MIA2: variants seen among roughly 807,000 people sequenced by gnomAD.
MIA2 encodes the protein melanoma inhibitory activity protein 2.
In MIA2, 127 loss-of-function variants were observed where a neutral mutation model predicts 167.8. The ratio of observed to expected loss-of-function variants is 0.76; its 90% CI spans 0.66 to 0.88. MIA2 has a LOEUF of 0.88. Among genes scored for constraint, MIA2 ranks in the 40% least tolerant of loss-of-function variants. The pLI, the probability that MIA2 is intolerant of heterozygous loss-of-function variation, is 0.00. For synonymous variants in MIA2, 552 were observed against 541.9 expected, an observed-to-expected ratio of 1.02 and a Z score of -0.26; for missense variants, 1,690 against 1,624.7, an observed-to-expected ratio of 1.04 and a Z score of -0.69.
At chr14:39,315,126 A>C (rs1365403395) in intron 20 of MIA2, 1 of 42,062 alleles carries the variant, frequency 2.4e-5, no homozygotes, top group African/African-American at 5.2e-5. Context: ...CTACTAAAAA[A>C]AAAAAAAAAA....
At chr14:39,329,422 C>T (rs2068296412) in intron 25 of MIA2, among the ~76,000 whole-genome samples, 1 of 152,142 alleles carries the variant, frequency 6.6e-6, no homozygotes, top group Non-Finnish European at 1.5e-5. Context: ...AACTTGACTT[C>T]CTCTCTTCCT....
rs114167739 is a variant in MIA2 at position 39,296,307 on chromosome 14, A to G, written c.2496+1278A>G. On this transcript the variant is annotated intron_variant, in intron 13 of 28. Transcript: ENST00000640607. ...ATACTTGTTGATATTTTGGTTGAAT[A>G]TATTCTGGGTTGGCATTTTTTTTTT... Among the ~76,000 whole-genome samples the G allele has an allele frequency of 9.1e-3, 1,376 of 151,970 alleles. 23 individuals carry two copies. Among genetic ancestry groups the G allele is most frequent in the African/African-American group, 0.032 (1,311 of 41,448 alleles).
intron 27 of MIA2, 111 bp downstream of exon 27, chr14:39,347,882 C>T (rs986764216): frequency 4.8e-5 from 49 of 1,011,928 alleles, no homozygotes; most frequent in East Asian, 1.8e-4. Context: ...AGTGCAGTGG[C>T]GCTATCTCGG....
intron 23 of MIA2, chr14:39,385,977 AT>A: frequency 1.2e-6 from 1 of 840,762 alleles, no homozygotes; most frequent in Non-Finnish European, 2.0e-6. Context: ...GTCCGCCACC[AT>A]TTGAGCAAGA....
Position 39,236,926 on chromosome 14 carries a change from A to G in MIA2, c.120A>G (p.Leu40=), listed in dbSNP as rs1225332469. The change falls in exon 2 of 29, where the codon TTA becomes TTG. Residue 40 remains leucine (L), a synonymous_variant. Coordinates refer to ENST00000640607, the MANE Select transcript of MIA2 (RefSeq NM_001329214.4). ...KKCGDLECEA[L]INRVSAMRDY... is the part of the protein sequence containing the mutation. ...TTCTTTACATGTTTTACATAGCTTT[A>G]ATAAACAGAGTCTCAGCCATGAGAG... 1.2e-6 allele frequency: 2 copies of G among 1,606,594 alleles called. No homozygotes were observed. Among genetic ancestry groups the G allele is most frequent in the Non-Finnish European group, 1.7e-6 (2 of 1,178,130 alleles).
chr14:39,235,191 A>G (rs2053676380), intron 1 of MIA2, among the ~76,000 whole-genome samples: 1 of 151,922 alleles, frequency 6.6e-6, no homozygotes, highest in African/African-American at 2.4e-5. Context: ...GCACGCCACC[A>G]CACCTGGTTA....
At chr14:39,273,324 C>T (rs1236372881) in intron 6 of MIA2, among the ~76,000 whole-genome samples, 1 of 136,296 alleles carries the variant, frequency 7.3e-6, no homozygotes, top group Non-Finnish European at 1.6e-5. Flanking sequence ...GAAATTCCCT[C>T]AAATCGTACT....
At chr14:39,332,611 G>A (rs530670459) in intron 25 of MIA2, among the ~76,000 whole-genome samples, 20 of 152,152 alleles carry the variant, frequency 1.3e-4, no homozygotes, top group African/African-American at 4.6e-4. Flanking sequence ...GATGACCTTC[G>A]GATGGAGTTT....
chr14:39,292,891 A>AT (rs1320320167), intron 10 of MIA2, among the ~76,000 whole-genome samples: 2 of 151,612 alleles, frequency 1.3e-5, no homozygotes, highest in Non-Finnish European at 1.5e-5. Context: ...TTTATTTCTC[A>AT]TTTTTTTCTT....
chr14:39,250,034 C>A (rs1248189169), intron 4 of MIA2, among the ~76,000 whole-genome samples: 2 of 151,978 alleles, frequency 1.3e-5, no homozygotes, highest in Non-Finnish European at 2.9e-5. Context: ...AGCTTAGAGA[C>A]CTTTTTAGGT....
intron 25 of MIA2, among the ~76,000 whole-genome samples, chr14:39,327,253 G>C (rs909190936): frequency 6.6e-6 from 1 of 152,070 alleles, no homozygotes; most frequent in Non-Finnish European, 1.5e-5. Context: ...TTTGTTGCTT[G>C]TAGAGGTAAT....
rs527597172 is a variant in MIA2, at chr14:39,374,502, A to C, written c.2249-12383A>C. 1.7e-4 allele frequency among the ~76,000 whole-genome samples: 26 copies of C among 152,266 alleles called. No homozygotes were observed. In the South Asian group the frequency reaches 5.4e-3, roughly 32 times the overall value. ...GATGATGGCTATCTTTTTTTGGAAA[A>C]AGGAAATGTGATCTTTCAAAAGGCA... is the stretch of plus-strand genomic sequence containing the variant. On this transcript the variant is annotated intron_variant, in intron 23 of 23. Transcript: ENST00000341502.
rs868784596 is a variant in MIA2 at position 39,359,999 on chromosome 14, T to G, written c.2248+11022T>G. 1.9e-3 allele frequency among the ~76,000 whole-genome samples: 282 copies of G among 150,852 alleles called. 1 individual carries two copies. The highest frequency in any genetic ancestry group is 4.6e-3 in the African/African-American group (189 of 41,078). On this transcript the variant is annotated intron_variant, in intron 23 of 23. Transcript: ENST00000341502. ...CCGGATCCTCTGCAGCATGTTTTTT[T>G]TTTTTTTTTTTTGTCTTATTAATAG... is the stretch of plus-strand genomic sequence containing the variant.
At chr14:39,305,093 C>T (rs2063123966) in intron 17 of MIA2, among the ~76,000 whole-genome samples, 1 of 152,128 alleles carries the variant, frequency 6.6e-6, no homozygotes, top group Non-Finnish European at 1.5e-5. Flanking sequence ...TTTTACTTAT[C>T]TGTATTTTCA....
intron 23 of MIA2, among the ~76,000 whole-genome samples, chr14:39,320,325 G>T (rs1262316392): frequency 6.6e-6 from 1 of 152,148 alleles, no homozygotes; most frequent in Non-Finnish European, 1.5e-5. Context: ...AAAGTGGTAG[G>T]TGTCTTGGCT....
chr14:39,385,971 G>A (rs769083242), intron 23 of MIA2: 12 of 825,288 alleles, frequency 1.5e-5, no homozygotes, highest in Non-Finnish European at 2.3e-5. Flanking sequence ...GAGCCTGTCC[G>A]CCACCATTTG....
chr14:39,277,683 TA>T lies in MIA2; in HGVS notation c.2019+619del, dbSNP rs2058232287. On this transcript the variant is annotated intron_variant, in intron 7 of 28. Transcript: ENST00000640607. ...TAATGTAAGATCTTTTATATATATA[TA>T]TATGTGTGTATATATATATATATAT... 2.9e-4 allele frequency among the ~76,000 whole-genome samples: 3 copies of T among 10,300 alleles called. 1 individual carries two copies. Among genetic ancestry groups the T allele is most frequent in the African/African-American group, 2.8e-3 (3 of 1,090 alleles). 6.8% of individuals were successfully genotyped at this position (10,300 alleles called of 152,430 possible).
intron 23 of MIA2, among the ~76,000 whole-genome samples, chr14:39,371,145 ATTCTT>A (rs2074935700): frequency 6.6e-6 from 1 of 152,146 alleles, no homozygotes. Flanking sequence ...TTACTTGACT[ATTCTT>A]TTCTTGGTGA....
chr14:39,248,434 T>C (rs902071009), intron 4 of MIA2, among the ~76,000 whole-genome samples: 1 of 151,562 alleles, frequency 6.6e-6, no homozygotes, highest in Non-Finnish European at 1.5e-5. Flanking sequence ...TTTGAAATAG[T>C]GCTAAGGCAT....
Sources: gnomAD v4.1 joint callset for allele counts (sites outside exome capture counted in the v4.1 genomes callset) on GRCh38, gnomAD v4.1.1 for gene constraint, MANE v1.5 for transcripts, NCBI Gene and HGNC (gene_info 2026-07-23, HGNC 2026-07-21) for gene names.